ADCY9: variants seen among roughly 807,000 people sequenced by gnomAD.
ADCY9 encodes the protein adenylate cyclase 9.
A neutral mutation model predicts 101.5 loss-of-function variants in ADCY9; 50 were observed. The ratio of observed to expected loss-of-function variants is 0.49; its 90% CI spans 0.39 to 0.62. ADCY9 has a LOEUF of 0.62. Among genes scored for constraint, ADCY9 ranks in the 20% least tolerant of loss-of-function variants. The pLI is 0.00. For missense variants in ADCY9, 1,662 were observed against 1,800.4 expected (o/e 0.92, Z 1.39); for synonymous variants, 905 against 769.3 (o/e 1.18, Z -2.92).
At chr16:4,021,616 C>T (rs368401416) in intron 2 of ADCY9, among the ~76,000 whole-genome samples, 2 of 152,248 alleles carry the variant, frequency 1.3e-5, no homozygotes, top group African/African-American at 4.8e-5. Context: ...GCTCCACCAG[C>T]AGCCTGGGAG....
chr16:3,959,845 G>A (rs988639089), downstream of ADCY9, among the ~76,000 whole-genome samples: 3 of 152,062 alleles, frequency 2.0e-5, no homozygotes, highest in East Asian at 5.8e-4. Flanking sequence ...GGCCAACATG[G>A]TGAAACCCTA....
At chr16:4,014,390 G>T (rs1391555427) in intron 2 of ADCY9, among the ~76,000 whole-genome samples, 2 of 151,166 alleles carry the variant, frequency 1.3e-5, no homozygotes, top group Non-Finnish European at 3.0e-5. Context: ...GAAAGTGAAA[G>T]AAACAAAGGG....
rs528044001 is a variant in ADCY9, at chr16:4,115,353, G to C, written c.90C>G (p.Val30=). The change falls in exon 2 of 11, where the codon GTC becomes GTG. Residue 30 remains valine (V), a synonymous_variant. Transcript: ENST00000294016. The surrounding 1 kb of genome is among the most constrained non-coding windows in gnomAD (Gnocchi z 6.2). ...AGGACAGCTGCTTGGGGTTGATCTT[G>C]ACGCGCACGCTGTTGCTGTCCCCGC... The part of the protein sequence containing the change: ...DSSGDSNSVR[V]KINPKQLSSN... 1.9e-5 allele frequency: 30 copies of C among 1,612,370 alleles called. No homozygotes were observed. The East Asian group carries it at 6.2e-4, about 34-fold the overall frequency.
chr16:4,106,228 A>AT (rs2057076031), intron 2 of ADCY9, among the ~76,000 whole-genome samples: 1 of 152,200 alleles, frequency 6.6e-6, no homozygotes. Flanking sequence ...GTTGACTAAA[A>AT]TTTAGCCACG....
Position 3,992,070 on chromosome 16 carries a change from TAAAGA to T in ADCY9, c.2207+71_2207+75del, listed in dbSNP as rs763568643. The stretch of plus-strand genomic sequence containing the variant: ...TGGATGACAGAGCGAGACTCAGTCT[TAAAGA>T]AAAGAAAAGAAAAAGGCAGAGAGGC... On this transcript the variant is annotated intron_variant, in intron 5 of 10. Transcript: ENST00000294016. This position sits in a 1 kb window ranked among gnomAD's most constrained non-coding sequence, Gnocchi z 4.2. 9.2e-5 allele frequency: 135 copies of T among 1,460,718 alleles called. No individual in the cohort carries two copies. The highest frequency in any genetic ancestry group is 7.1e-4 in the Middle Eastern group (3 of 4,230). The allele number at this position is 1,460,718 out of a possible 1,614,324, so 90.5% of individuals were successfully genotyped here. A position where few individuals can be genotyped will look rare whatever the true frequency, so the allele number is the denominator to read the frequency against.
At chr16:4,034,247 A>C (rs781229028) in intron 2 of ADCY9, among the ~76,000 whole-genome samples, 1 of 152,114 alleles carries the variant, frequency 6.6e-6, no homozygotes, top group Non-Finnish European at 1.5e-5. Flanking sequence ...AACTCACTAC[A>C]CGTACCCCTT....
chr16:3,993,276 C>G (rs1379859426), intron 4 of ADCY9, 130 bp downstream of exon 4: 1 of 1,462,676 alleles, frequency 6.8e-7, no homozygotes, highest in African/African-American at 1.4e-5. Flanking sequence ...CCGGAGGACC[C>G]GCGGGTGCGG....
At chr16:4,027,277 T>C (rs2056522411) in intron 2 of ADCY9, among the ~76,000 whole-genome samples, 1 of 152,242 alleles carries the variant, frequency 6.6e-6, no homozygotes, top group African/African-American at 2.4e-5. Flanking sequence ...CGTTGCTTTC[T>C]TTGTGCATTT....
intron 5 of ADCY9, among the ~76,000 whole-genome samples, chr16:3,953,958 G>A (rs2055894398): frequency 6.6e-6 from 1 of 152,170 alleles, no homozygotes; most frequent in African/African-American, 2.4e-5. Context: ...TTGAGAAGGT[G>A]GAATTTGATT....
chr16:4,049,347 C>T (rs139615699), intron 2 of ADCY9, among the ~76,000 whole-genome samples: 2 of 152,250 alleles, frequency 1.3e-5, no homozygotes, highest in African/African-American at 2.4e-5. Flanking sequence ...CAGCACCCAC[C>T]CCTAGCTGCC....
At chr16:4,063,433 G>A (rs955749191) in intron 2 of ADCY9, among the ~76,000 whole-genome samples, 1 of 152,032 alleles carries the variant, frequency 6.6e-6, no homozygotes, top group Non-Finnish European at 1.5e-5. Flanking sequence ...CATCAGCAGG[G>A]AACAGTGGCT....
intron 2 of ADCY9, among the ~76,000 whole-genome samples, chr16:4,009,282 T>C (rs2141722572): frequency 6.6e-6 from 1 of 151,864 alleles, no homozygotes; most frequent in East Asian, 1.9e-4. Flanking sequence ...TGTTTTGTTT[T>C]TCCTTTAGAG....
At chr16:3,990,422 C>T (rs1027258891) in intron 5 of ADCY9, among the ~76,000 whole-genome samples, 11 of 150,980 alleles carry the variant, frequency 7.3e-5, no homozygotes, top group Non-Finnish European at 1.2e-4. Flanking sequence ...GCCAAGATGG[C>T]GCCACTGCAT....
chr16:4,065,529 G>A (rs772180447), intron 2 of ADCY9, among the ~76,000 whole-genome samples: 1 of 152,144 alleles, frequency 6.6e-6, no homozygotes, highest in African/African-American at 2.4e-5. Context: ...AATGTCGCAC[G>A]TCAATGTACA....
chr16:3,988,684 C>T (rs1346273852), intron 6 of ADCY9, among the ~76,000 whole-genome samples: 1 of 127,500 alleles, frequency 7.8e-6, no homozygotes, highest in Non-Finnish European at 1.6e-5. Flanking sequence ...TTGGGGGTTT[C>T]CTTTCAGGAC....
intron 3 of ADCY9, among the ~76,000 whole-genome samples, chr16:3,993,805 C>A (rs910457676): frequency 1.1e-4 from 16 of 152,130 alleles, no homozygotes; most frequent in Non-Finnish European, 1.5e-5. Context: ...TACTCAGCCA[C>A]GAAAAAGACG....
Position 3,970,684 on chromosome 16 carries a change from T to G in ADCY9, c.2871-3718A>C, listed in dbSNP as rs7202825. The stretch of plus-strand genomic sequence containing the variant: ...TAAGTTTCACTAACTGTTCTTGGGA[T>G]ATTAAAAAACAATGAGCTTGACCTG... On this transcript the variant is annotated intron_variant, in intron 10 of 10. Transcript: ENST00000294016. Among the ~76,000 whole-genome samples, 378 of 152,286 alleles carry G rather than the reference T, an allele frequency of 2.5e-3. 2 individuals carry two copies. The highest frequency in any genetic ancestry group is 8.9e-3 in the African/African-American group (370 of 41,566).
chr16:3,958,231 AG>A (rs982338738), downstream of ADCY9, among the ~76,000 whole-genome samples: 37 of 152,210 alleles, frequency 2.4e-4, no homozygotes, highest in Admixed American at 2.0e-3. Flanking sequence ...AACACTGCCG[AG>A]GGAGGAATTT....
intron 3 of ADCY9, among the ~76,000 whole-genome samples, chr16:4,006,230 C>T (rs1567434280): frequency 6.6e-6 from 1 of 152,166 alleles, no homozygotes; most frequent in Non-Finnish European, 1.5e-5. Flanking sequence ...GCTAGGGATG[C>T]TGCCAGCCAT....
Sources: gnomAD v4.1 joint callset for allele counts (sites outside exome capture counted in the v4.1 genomes callset) on GRCh38, gnomAD v4.1.1 for gene constraint, Gnocchi (gnomAD v3.1) non-coding constraint, MANE v1.5 for transcripts, NCBI Gene and HGNC (gene_info 2026-07-23, HGNC 2026-07-21) for gene names.